MRAP: variants seen among roughly 807,000 people sequenced by gnomAD.
MRAP encodes melanocortin 2 receptor accessory protein.
Under a neutral mutation model 8.7 loss-of-function variants are expected in MRAP, and 8 were observed. The ratio of observed to expected loss-of-function variants is 0.92; its 90% confidence interval spans 0.54 to 1.66. The LOEUF (loss-of-function observed/expected upper bound fraction) is 1.66. Ranked by LOEUF, MRAP falls within the 40% of genes most tolerant of loss-of-function variation. The pLI is 0.00. For synonymous variants in MRAP, 95 were observed against 95.5 expected (o/e 1.00, Z 0.03); for missense variants, 237 against 217.1 (o/e 1.09, Z -0.58).
intron 2 of MRAP, among the ~76,000 whole-genome samples, chr21:32,310,100 T>C (rs1447757871): frequency 1.3e-5 from 2 of 152,334 alleles, no homozygotes; most frequent in Non-Finnish European, 2.9e-5. Flanking sequence ...ATCCCTGGTC[T>C]GGTCCGGCAA....
At chr21:32,295,368 G>C (rs2032121602), upstream of MRAP, among the ~76,000 whole-genome samples, 1 of 152,048 alleles carries the variant, frequency 6.6e-6, no homozygotes, top group East Asian at 1.9e-4. Context: ...TCCTCCCTGG[G>C]GGTGGGCTGT....
chr21:32,305,642 A>C (rs1283846088), intron 1 of MRAP, among the ~76,000 whole-genome samples: 3 of 152,284 alleles, frequency 2.0e-5, no homozygotes, highest in African/African-American at 2.4e-5. Context: ...AAAGGCGCTC[A>C]ATGAATTCTC....
intron 1 of MRAP, among the ~76,000 whole-genome samples, chr21:32,304,626 A>C (rs2032360596): frequency 7.4e-6 from 1 of 134,680 alleles, no homozygotes; most frequent in African/African-American, 2.9e-5. Flanking sequence ...ACAAAAAAAA[A>C]CAAACAAAAA....
At chr21:32,298,623 G>A (rs925251176), upstream of MRAP, among the ~76,000 whole-genome samples, 3 of 152,120 alleles carry the variant, frequency 2.0e-5, no homozygotes, top group Non-Finnish European at 2.9e-5. Context: ...ATCTTCTAAG[G>A]GGCCCTGGGC....
chr21:32,310,592 A>G (rs1031248668), intron 2 of MRAP, among the ~76,000 whole-genome samples: 2 of 151,980 alleles, frequency 1.3e-5, no homozygotes, highest in Admixed American at 1.3e-4. Flanking sequence ...GGCCATGTCC[A>G]CTGCCCCAGC....
chr21:32,292,237 T>C (rs2032062250), intron 1 of MRAP, among the ~76,000 whole-genome samples: 1 of 152,122 alleles, frequency 6.6e-6, no homozygotes, highest in African/African-American at 2.4e-5. Flanking sequence ...TAATCCAGGG[T>C]TGGAGACGTG....
intron 1 of MRAP, among the ~76,000 whole-genome samples, chr21:32,300,809 AGGGG>A: frequency 1.5e-5 from 2 of 137,470 alleles, no homozygotes; most frequent in East Asian, 2.3e-4. Context: ...ATCCTATGTC[AGGGG>A]CGTCATGTGT....
At chr21:32,304,022 G>C (rs1341233906) in intron 1 of MRAP, among the ~76,000 whole-genome samples, 1 of 152,202 alleles carries the variant, frequency 6.6e-6, no homozygotes, top group Non-Finnish European at 1.5e-5. Context: ...ACAAGTGTCA[G>C]TCTGGGAGAA....
chr21:32,310,320 C>A (rs956575172), intron 2 of MRAP, among the ~76,000 whole-genome samples: 1 of 150,334 alleles, frequency 6.7e-6, no homozygotes, highest in East Asian at 1.9e-4. Context: ...CCCTGAGGAG[C>A]TGACACCTTC....
At chr21:32,300,353 T>C (rs948513508) in intron 1 of MRAP, among the ~76,000 whole-genome samples, 2 of 152,008 alleles carry the variant, frequency 1.3e-5, no homozygotes, top group African/African-American at 2.4e-5. Context: ...TCACGCGTCC[T>C]ATGTCAGATG....
intron 1 of MRAP, chr21:32,306,362 G>C (rs117175783): frequency 2.0e-5 from 9 of 448,644 alleles, no homozygotes; most frequent in African/African-American, 8.0e-5. Flanking sequence ...TGCATGGGGT[G>C]GGGGGGCACA....
upstream of MRAP, among the ~76,000 whole-genome samples, chr21:32,296,852 C>A (rs1210688262): frequency 1.3e-5 from 2 of 152,246 alleles, no homozygotes; most frequent in East Asian, 3.9e-4. Context: ...CTGCATGAGG[C>A]AGGGAGTGGT....
At chr21:32,306,176 G>A (rs536979879) in intron 1 of MRAP, among the ~76,000 whole-genome samples, 2 of 152,218 alleles carry the variant, frequency 1.3e-5, no homozygotes, top group South Asian at 4.2e-4. Flanking sequence ...TCCTCCGCAG[G>A]GTATCAACTC....
At chr21:32,303,649 C>T (rs565979227) in intron 1 of MRAP, among the ~76,000 whole-genome samples, 1 of 152,320 alleles carries the variant, frequency 6.6e-6, no homozygotes, top group African/African-American at 2.4e-5. Context: ...AGATAAGTTT[C>T]TATGGCTGGA....
In MRAP at chr21:32,306,646, T is replaced by C; in HGVS notation, c.113T>C (p.Ile38Thr). 6.2e-7 allele frequency: 1 copy of C among 1,614,094 alleles called. No homozygotes were observed. Among genetic ancestry groups the C allele is most frequent in the Non-Finnish European group, 8.5e-7 (1 of 1,179,966 alleles). Residue 38 changes from isoleucine to threonine, a missense_variant, in exon 2 of 3, where the codon ATC (isoleucine) becomes ACC (threonine). Ile to Thr is a moderately conservative substitution (Grantham distance 89, BLOSUM62 -1). Transcript: ENST00000303645. The part of the protein sequence containing the change: ...EKKLKAHKHS[I>T]VIAFWVSLAA... ...GCATCTCCTCCTCCCGCAGATTCCATCGTGATCGCATTCTGGGTGAGCCTG... is the reference window on the plus strand; with the variant it reads ...GCATCTCCTCCTCCCGCAGATTCCACCGTGATCGCATTCTGGGTGAGCCTG...
chr21:32,298,925 C>T lies in MRAP; in HGVS notation c.-47C>T, dbSNP rs778871337. 7.8e-6 allele frequency: 11 copies of T among 1,417,048 alleles called. No individual in the cohort carries two copies. Among genetic ancestry groups the T allele is most frequent in the East Asian group, 2.3e-5 (1 of 43,746 alleles). 87.8% of individuals were successfully genotyped at this position (1,417,048 alleles called of 1,614,324 possible). ...CCTCCCAGGGGCTTGGCGCCTGGCT[C>T]GAGGCGAGGCTGCCGGCCCGGACGC... On this transcript the variant is annotated 5_prime_UTR_variant, in exon 1 of 3. Transcript: ENST00000303645.
At chr21:32,300,521 T>C (rs954265793) in intron 1 of MRAP, among the ~76,000 whole-genome samples, 14 of 149,086 alleles carry the variant, frequency 9.4e-5, no homozygotes, top group African/African-American at 3.2e-4. Context: ...CTATGTCACG[T>C]CATGCGTCGC....
chr21:32,302,970 C>T (rs1042517986), intron 1 of MRAP, among the ~76,000 whole-genome samples: 27 of 144,302 alleles, frequency 1.9e-4, no homozygotes, highest in Admixed American at 2.9e-4. Context: ...TAACCTATGC[C>T]CCAATTCCCT....
intron 1 of MRAP, among the ~76,000 whole-genome samples, chr21:32,300,616 C>T (rs528726001): frequency 2.0e-3 from 194 of 97,944 alleles, no homozygotes; most frequent in African/African-American, 4.4e-3. Context: ...ATATGTCACG[C>T]GTCGTATGTC....
Sources: gnomAD v4.1 joint callset for allele counts (sites outside exome capture counted in the v4.1 genomes callset) on GRCh38, gnomAD v4.1.1 for gene constraint, MANE v1.5 for transcripts, NCBI Gene and HGNC (gene_info 2026-07-23, HGNC 2026-07-21) for gene names.